The following ZNF804A variants were observed in gnomAD, a reference collection of about 807,000 sequenced individuals.
The protein encoded by ZNF804A is zinc finger protein 804A.
A neutral mutation model predicts 16.5 loss-of-function variants in ZNF804A; 2 were observed. The ratio of observed to expected loss-of-function variants is 0.12; its 90% CI spans 0.05 to 0.38. The LOEUF is 0.38. Among genes scored for constraint, ZNF804A ranks in the 10% least tolerant of loss-of-function variants. The pLI is 0.99. For missense variants in ZNF804A, 1,473 were observed against 1,390.7 expected (o/e 1.06, Z -0.94); for synonymous variants, 534 against 489.6 (o/e 1.09, Z -1.20).
intron 1 of ZNF804A, among the ~76,000 whole-genome samples, chr2:184,774,760 T>C (rs16826191): frequency 0.036 from 5,496 of 151,782 alleles, 321 homozygotes; most frequent in African/African-American, 0.12. Flanking sequence ...GAGGTAGTGT[T>C]AATGAGGGAG....
intron 1 of ZNF804A, among the ~76,000 whole-genome samples, chr2:184,655,760 G>A (rs1461042240): frequency 1.3e-5 from 2 of 151,666 alleles, no homozygotes; most frequent in East Asian, 3.9e-4. Flanking sequence ...TACTATTTGT[G>A]ACAGCCTATA....
chr2:184,692,871 T>C (rs1692755414), intron 1 of ZNF804A, among the ~76,000 whole-genome samples: 3 of 152,170 alleles, frequency 2.0e-5, no homozygotes, highest in African/African-American at 7.2e-5. Flanking sequence ...AGAGTTACTA[T>C]GCCTTCAGAC....
chr2:184,704,410 C>A (rs1692985809), intron 1 of ZNF804A, among the ~76,000 whole-genome samples: 1 of 152,068 alleles, frequency 6.6e-6, no homozygotes. Flanking sequence ...CCTCAGCCTC[C>A]CAAAGTCCTG....
intron 1 of ZNF804A, among the ~76,000 whole-genome samples, chr2:184,696,963 T>C (rs1461417193): frequency 6.6e-6 from 1 of 151,952 alleles, no homozygotes; most frequent in Non-Finnish European, 1.5e-5. Flanking sequence ...AAGTGAAAAT[T>C]ATTAATATTT....
At chr2:184,730,300 G>A (rs1574184317) in intron 1 of ZNF804A, among the ~76,000 whole-genome samples, 6 of 151,846 alleles carry the variant, frequency 4.0e-5, no homozygotes. Flanking sequence ...TTGTCCCTGT[G>A]TATCCATAAT....
At chr2:184,606,683 T>G (rs1385433788) in intron 1 of ZNF804A, among the ~76,000 whole-genome samples, 1 of 152,150 alleles carries the variant, frequency 6.6e-6, no homozygotes, top group Non-Finnish European at 1.5e-5. Flanking sequence ...GAGCAAAAAC[T>G]GAGCCTTTCT....
chr2:184,694,973 A>G (rs1692803839), intron 1 of ZNF804A, among the ~76,000 whole-genome samples: 1 of 152,174 alleles, frequency 6.6e-6, no homozygotes, highest in African/African-American at 2.4e-5. Context: ...TCTTTGGTAC[A>G]AACTTCACTC....
intron 2 of ZNF804A, among the ~76,000 whole-genome samples, chr2:184,923,535 A>C (rs1360184627): frequency 6.6e-6 from 1 of 151,768 alleles, no homozygotes; most frequent in Non-Finnish European, 1.5e-5. Flanking sequence ...GATGCCTTTT[A>C]TTTCTTTCTC....
chr2:184,705,039 T>C (rs1002408879), intron 1 of ZNF804A, among the ~76,000 whole-genome samples: 4 of 152,174 alleles, frequency 2.6e-5, no homozygotes, highest in African/African-American at 9.7e-5. Context: ...AGATTATAAA[T>C]TGGGCAAGAA....
chr2:184,938,304 C>A lies in ZNF804A; in HGVS notation c.2908C>A (p.Leu970Ile). The change falls in exon 4 of 4, where the codon CTT (leucine) becomes ATT (isoleucine). Residue 970 changes from leucine (L) to isoleucine (I), a missense_variant. Physicochemically the swap from Leu to Ile is conservative, Grantham distance 5. Transcript: ENST00000302277. ...TAGACAGTCACAGCCTAAATCCTAT[C>A]TTTGCCATTATGAACTGGCTGAGGC... ...NFRQSQPKSY[L>I]CHYELAEALP... is the part of the protein sequence containing the mutation. The A allele has an allele frequency of 6.2e-7, 1 of 1,614,146 alleles. No homozygotes were observed. The highest frequency in any genetic ancestry group is 8.5e-7 in the Non-Finnish European group (1 of 1,180,008).
chr2:184,763,526 A>G (rs769597776), intron 1 of ZNF804A, among the ~76,000 whole-genome samples: 21 of 151,256 alleles, frequency 1.4e-4, no homozygotes, highest in East Asian at 3.9e-4. Context: ...TAACAGCCCA[A>G]TGAAACCCAC....
At chr2:184,642,981 A>T (rs532681843) in intron 1 of ZNF804A, among the ~76,000 whole-genome samples, 1 of 152,246 alleles carries the variant, frequency 6.6e-6, no homozygotes, top group South Asian at 2.1e-4. Context: ...AAACAATTAC[A>T]GTTCTCTTTT....
chr2:184,670,776 TTTA>T (rs1692328844), intron 1 of ZNF804A, among the ~76,000 whole-genome samples: 1 of 152,158 alleles, frequency 6.6e-6, no homozygotes. Flanking sequence ...CTATTGTTTA[TTTA>T]TTGAGTGTTT....
At chr2:184,871,904 A>T (rs1695982286) in intron 2 of ZNF804A, among the ~76,000 whole-genome samples, 1 of 152,066 alleles carries the variant, frequency 6.6e-6, no homozygotes, top group Admixed American at 6.6e-5. Context: ...TCTTATATGT[A>T]TCCAGAGTGA....
chr2:184,886,973 G>T (rs1234689231), intron 2 of ZNF804A, among the ~76,000 whole-genome samples: 2 of 152,212 alleles, frequency 1.3e-5, no homozygotes, highest in African/African-American at 4.8e-5. Flanking sequence ...TCTGCAGAAA[G>T]CTTGAATTTC....
At chr2:184,725,119 G>T (rs1004055700) in intron 1 of ZNF804A, among the ~76,000 whole-genome samples, 6 of 151,510 alleles carry the variant, frequency 4.0e-5, no homozygotes, top group Non-Finnish European at 7.4e-5. Context: ...ATATTGATTT[G>T]CCTGTTAAAT....
intron 1 of ZNF804A, among the ~76,000 whole-genome samples, chr2:184,673,625 T>C (rs1348730704): frequency 6.6e-6 from 1 of 152,226 alleles, no homozygotes; most frequent in Non-Finnish European, 1.5e-5. Context: ...TGCCACAGCT[T>C]GTGAATTGCC....
chr2:184,725,033 A>T (rs1199981049), intron 1 of ZNF804A, among the ~76,000 whole-genome samples: 1 of 151,742 alleles, frequency 6.6e-6, no homozygotes, highest in Non-Finnish European at 1.5e-5. Flanking sequence ...ATTTATAATT[A>T]TTTTTTGAGA....
intron 1 of ZNF804A, among the ~76,000 whole-genome samples, chr2:184,818,559 AT>A (rs1371835428): frequency 6.6e-6 from 1 of 152,130 alleles, no homozygotes; most frequent in Non-Finnish European, 1.5e-5. Context: ...ACATAAAAAT[AT>A]TAACCTTAAA....
Sources: allele counts gnomAD v4.1 joint callset (sites outside exome capture counted in the v4.1 genomes callset), GRCh38; gene constraint gnomAD v4.1.1; transcripts MANE v1.5; gene names NCBI Gene and HGNC (gene_info 2026-07-23, HGNC 2026-07-21).